The following CHN1 variants were observed in gnomAD, a reference collection of about 807,000 sequenced individuals.
CHN1 encodes the protein chimerin 1, also known as N-chimaerin.
Under a neutral mutation model 59.5 loss-of-function variants are expected in CHN1, and 37 were observed. The ratio of observed to expected loss-of-function variants is 0.62; its 90% CI spans 0.48 to 0.82. The LOEUF is 0.82. Ranked by LOEUF, CHN1 falls within the 40% of genes least tolerant of loss-of-function variation. The pLI is 0.00. For missense variants in CHN1, 469 were observed against 571.0 expected (o/e 0.82, Z 1.82); for synonymous variants, 206 against 200.4 (o/e 1.03, Z -0.24).
chr2:174,906,300 C>T (rs1197859386), intron 5 of CHN1, among the ~76,000 whole-genome samples: 1 of 152,114 alleles, frequency 6.6e-6, no homozygotes, highest in Admixed American at 6.6e-5. Context: ...AGTACTTATA[C>T]ATGCCACAAC....
chr2:174,950,678 T>C (rs143100483), intron 2 of CHN1, among the ~76,000 whole-genome samples: 235 of 152,042 alleles, frequency 1.5e-3, no homozygotes, highest in South Asian at 3.3e-3. Context: ...AACTCAATAA[T>C]AGTCTGAGGC....
At chr2:174,915,671 C>T (rs1384453027) in intron 4 of CHN1, among the ~76,000 whole-genome samples, 4 of 152,176 alleles carry the variant, frequency 2.6e-5, no homozygotes, top group African/African-American at 9.7e-5. Flanking sequence ...ATCTGCATTA[C>T]TGAACACTCA....
intron 1 of CHN1, among the ~76,000 whole-genome samples, chr2:174,977,063 G>A (rs1018015038): frequency 6.6e-6 from 1 of 152,124 alleles, no homozygotes; most frequent in Non-Finnish European, 1.5e-5. Context: ...CAATTCTTGA[G>A]TTTGATGAAA....
At chr2:174,922,622 T>C (rs1348365872) in intron 3 of CHN1, among the ~76,000 whole-genome samples, 1 of 152,082 alleles carries the variant, frequency 6.6e-6, no homozygotes, top group Non-Finnish European at 1.5e-5. Flanking sequence ...GCCCAGGAGG[T>C]TGAGGCTGCA....
At position 174,878,203 on chromosome 2, in the gene CHN1, CA is replaced by C. The variant is rs1001924442; in HGVS notation, c.261-76del. 1.4e-4 allele frequency: 186 copies of C among 1,291,480 alleles called. 1 individual carries two copies. The highest frequency in any genetic ancestry group is 2.0e-4 in the South Asian group (12 of 59,306). 80.0% of individuals were successfully genotyped at this position (1,291,480 alleles called of 1,614,324 possible). ...ATTCTTTCTGAAAAAAAAACAAAAA[CA>C]AAAAAAAACTATCGCTTTGTTTTGT... On this transcript the variant is annotated intron_variant, in intron 5 of 12. Transcript: ENST00000409900.
chr2:175,003,759 A>C (rs1226708992), intron 1 of CHN1, among the ~76,000 whole-genome samples: 3 of 152,232 alleles, frequency 2.0e-5, no homozygotes, highest in Non-Finnish European at 2.9e-5. Context: ...CCCAGACTGA[A>C]GCCTGGTGAA....
In CHN1 at chr2:174,878,005, G is replaced by A. The variant is rs777575474; in HGVS notation, c.384C>T (p.Thr128=). ...TCTTGGCAATGTATTCTGCTGCCTT[G>A]GTTTCAATATAGAGAGTAATCAAGC... ...TDGLITLYIE[T]KAAEYIAKMT... is the part of the protein sequence containing the mutation. Residue 128 remains threonine, a synonymous_variant, in exon 6 of 13, where the codon ACC becomes ACT. Coordinates refer to ENST00000409900, the MANE Select transcript of CHN1 (RefSeq NM_001822.7). The A allele has an allele frequency of 1.9e-6, 3 of 1,613,656 alleles. No homozygotes were observed. The African/African-American group carries it at 4.0e-5, about 22-fold the overall frequency.
At chr2:174,808,848 A>G in intron 11 of CHN1, 57 bp downstream of exon 11, 1 of 1,576,422 alleles carries the variant, frequency 6.3e-7, no homozygotes. Flanking sequence ...AAAACCAGGA[A>G]GGTGATTACC....
chr2:174,947,599 C>T (rs1044270769), intron 2 of CHN1, among the ~76,000 whole-genome samples: 6 of 151,424 alleles, frequency 4.0e-5, no homozygotes, highest in South Asian at 2.1e-4. Context: ...AGCCTTATGC[C>T]GCAGAACCCA....
chr2:174,931,945 G>A (rs1222584268), intron 3 of CHN1, among the ~76,000 whole-genome samples: 1 of 152,178 alleles, frequency 6.6e-6, no homozygotes, highest in Admixed American at 6.5e-5. Flanking sequence ...AGGCAAGGAA[G>A]CAGTAAGAGA....
At chr2:174,847,773 C>CA (rs71031072) in intron 6 of CHN1, 6,266 of 238,122 alleles carry the variant, frequency 0.026, 876 homozygotes, top group African/African-American at 0.066. Flanking sequence ...TGGCTCAAGG[C>CA]AAAAAAAAAA....
intron 10 of CHN1, 91 bp from the exon 11 acceptor site, chr2:174,809,133 A>G: frequency 8.7e-7 from 1 of 1,148,988 alleles, no homozygotes; most frequent in Non-Finnish European, 1.2e-6. Context: ...ATCAGATTTT[A>G]AAGATTAGCA....
chr2:174,961,126 A>AAGGAAGGGAGGAAGGGAAGGGAGGGAGGG, intron 1 of CHN1, among the ~76,000 whole-genome samples: 1 of 144,126 alleles, frequency 6.9e-6, no homozygotes, highest in Non-Finnish European at 1.5e-5. Context: ...GGAGGGAAGG[A>AAGGAAGGGAGGAAGGGAAGGGAGGGAGGG]AGGAAGGGAG....
At position 174,974,898 on chromosome 2, in the gene CHN1, TACAC is replaced by T. The variant is rs373940330; in HGVS notation, c.20-22700_20-22697del. Among the ~76,000 whole-genome samples the T allele has an allele frequency of 1.4e-3, 203 of 144,360 alleles. 2 individuals carry two copies. The highest frequency in any genetic ancestry group is 3.4e-3 in the Middle Eastern group (1 of 290). 94.7% of individuals were successfully genotyped at this position (144,360 alleles called of 152,430 possible). On this transcript the variant is annotated intron_variant, in intron 1 of 12. Transcript: ENST00000409900. ...CAAACAGGCCATAAGAAATAATTAA[TACAC>T]ACACACACACACACACACACACACA...
At chr2:174,894,850 G>A (rs1307265896) in intron 5 of CHN1, among the ~76,000 whole-genome samples, 1 of 152,024 alleles carries the variant, frequency 6.6e-6, no homozygotes, top group Non-Finnish European at 1.5e-5. Flanking sequence ...GGAAAATTTA[G>A]AAATAAATAA....
chr2:174,963,509 A>T (rs1690487684), intron 1 of CHN1, among the ~76,000 whole-genome samples: 1 of 152,224 alleles, frequency 6.6e-6, no homozygotes, highest in African/African-American at 2.4e-5. Flanking sequence ...AGTGAAAAAG[A>T]GGGCAGAAAC....
intron 1 of CHN1, among the ~76,000 whole-genome samples, chr2:174,990,448 C>A (rs575168069): frequency 6.6e-6 from 1 of 152,072 alleles, no homozygotes; most frequent in Non-Finnish European, 1.5e-5. Flanking sequence ...CCTACCCACT[C>A]CAATCCCCAC....
chr2:174,846,354 T>C lies in CHN1; in HGVS notation c.627+526A>G, dbSNP rs1471491764. ...TACTCAAAAAGTGAGGAGAAGCTGC[T>C]AGTGTCAGCAGCATCAACAGTCCCA... On this transcript the variant is annotated intron_variant, in intron 7 of 12. Coordinates refer to ENST00000409900, the MANE Select transcript of CHN1 (RefSeq NM_001822.7). 1.9e-6 allele frequency: 3 copies of C among 1,549,434 alleles called. No homozygotes were observed. The Admixed American group carries it at 5.9e-5, about 30-fold the overall frequency.
At chr2:174,950,784 T>G (rs1041862843) in intron 2 of CHN1, among the ~76,000 whole-genome samples, 1 of 149,746 alleles carries the variant, frequency 6.7e-6, no homozygotes, top group Non-Finnish European at 1.5e-5. Flanking sequence ...GAAGTTTTTT[T>G]TTTTTTTTTT....
Sources: gnomAD v4.1 joint callset for allele counts (sites outside exome capture counted in the v4.1 genomes callset) on GRCh38, gnomAD v4.1.1 for gene constraint, MANE v1.5 for transcripts, NCBI Gene and HGNC (gene_info 2026-07-23, HGNC 2026-07-21) for gene names.